CSTA: variants seen among roughly 807,000 people sequenced by gnomAD.
CSTA encodes the protein cystatin A.
A neutral mutation model predicts 9.2 loss-of-function variants in CSTA; 9 were observed. The observed-to-expected ratio is 0.97, with a 90% CI of 0.59 to 1.70. The LOEUF (loss-of-function observed/expected upper bound fraction) is 1.70, where lower values mean the gene tolerates loss of function less well. CSTA is among the 40% of genes most tolerant of loss of function. The pLI is 0.00. For missense variants in CSTA, 118 were observed against 113.1 expected (o/e 1.04, Z -0.20); for synonymous variants, 36 against 40.6 (o/e 0.89, Z 0.43).
intron 1 of CSTA, among the ~76,000 whole-genome samples, chr3:122,332,274 C>A (rs2075209433): frequency 6.6e-6 from 1 of 152,170 alleles, no homozygotes; most frequent in African/African-American, 2.4e-5. Flanking sequence ...AGTCCTTCCT[C>A]TCTTAGCCAG....
chr3:122,326,134 T>A lies in CSTA; in HGVS notation c.66+776T>A, dbSNP rs182043186. 3.6e-3 allele frequency among the ~76,000 whole-genome samples: 550 copies of A among 151,928 alleles called. 2 individuals carry two copies. Among genetic ancestry groups the A allele is most frequent in the African/African-American group, 0.013 (534 of 41,480 alleles). Reference sequence around the variant, plus strand: ...TTTGAGTTCAAGCGATCCTCCCCACTCAGCCTCCTGAGTAGCTGGGATTAC... The same window carrying A: ...TTTGAGTTCAAGCGATCCTCCCCACACAGCCTCCTGAGTAGCTGGGATTAC... On this transcript the variant is annotated intron_variant, in intron 1 of 2. Transcript: ENST00000264474.
chr3:122,333,555 GAAAGA>G (rs1387456692), intron 1 of CSTA, among the ~76,000 whole-genome samples: 1 of 92,666 alleles, frequency 1.1e-5, no homozygotes, highest in Non-Finnish European at 2.1e-5. Context: ...AAGAAAGAAA[GAAAGA>G]AAGAAAGAAA....
chr3:122,341,897 C>T lies in CSTA; in HGVS notation c.*330C>T, dbSNP rs1373981180. ...CTATCAATTCACCAGCCTCCTTGTT[C>T]CCTGTGGCTGCTGATAACCCAACAT... On this transcript the variant is annotated 3_prime_UTR_variant, in exon 3 of 3. Coordinates refer to ENST00000264474, the MANE Select transcript of CSTA (RefSeq NM_005213.4). 6.0e-6 allele frequency: 2 copies of T among 331,632 alleles called. No individual in the cohort carries two copies. Among genetic ancestry groups the T allele is most frequent in the Non-Finnish European group, 1.1e-5 (2 of 174,466 alleles). The allele number at this position is 331,632 out of a possible 1,614,324, so 20.5% of individuals were successfully genotyped here. A position where few individuals can be genotyped will look rare whatever the true frequency, so the allele number is the denominator to read the frequency against.
At chr3:122,332,568 A>C (rs1399331202) in intron 1 of CSTA, among the ~76,000 whole-genome samples, 1 of 152,140 alleles carries the variant, frequency 6.6e-6, no homozygotes, top group Non-Finnish European at 1.5e-5. Context: ...TGGGTGCCTC[A>C]TGGCTCAAAT....
intron 1 of CSTA, among the ~76,000 whole-genome samples, chr3:122,325,858 G>A (rs2075168130): frequency 2.0e-5 from 3 of 152,178 alleles, no homozygotes; most frequent in South Asian, 4.1e-4. Context: ...AATAGATAGT[G>A]TTTTAGTCTT....
intron 2 of CSTA, chr3:122,338,260 C>T (rs892013951): frequency 1.3e-5 from 2 of 152,038 alleles, no homozygotes; most frequent in African/African-American, 2.4e-5. Context: ...ATGCATTGAT[C>T]GAGTTCTAAT....
At chr3:122,334,958 G>T (rs1338294573) in intron 1 of CSTA, among the ~76,000 whole-genome samples, 1 of 152,182 alleles carries the variant, frequency 6.6e-6, no homozygotes, top group East Asian at 1.9e-4. Context: ...TGATCTGTAT[G>T]AAGGACAGTG....
At chr3:122,332,225 T>A (rs1019120479) in intron 1 of CSTA, among the ~76,000 whole-genome samples, 2 of 152,162 alleles carry the variant, frequency 1.3e-5, no homozygotes. Flanking sequence ...TCTTGCTGGA[T>A]CTCATTCCTC....
chr3:122,339,730 C>A (rs2075254991), intron 2 of CSTA, among the ~76,000 whole-genome samples: 1 of 152,128 alleles, frequency 6.6e-6, no homozygotes, highest in African/African-American at 2.4e-5. Context: ...TGATGCACAC[C>A]AGTAGTCCTA....
In CSTA at chr3:122,325,281, C is replaced by A. The variant is rs553834864; in HGVS notation, c.-12C>A. ...TCCAGCATCCTGTCCAGCAAAGAAG[C>A]AATCAGCCAAAATGATACCTGGAGG... On this transcript the variant is annotated 5_prime_UTR_variant, in exon 1 of 3. Transcript: ENST00000264474. 2.5e-6 allele frequency: 4 copies of A among 1,613,294 alleles called. No homozygotes were observed. In the African/African-American group the frequency reaches 5.3e-5, roughly 22 times the overall value.
At chr3:122,326,891 G>A (rs891641988) in intron 1 of CSTA, among the ~76,000 whole-genome samples, 2 of 152,150 alleles carry the variant, frequency 1.3e-5, no homozygotes, top group Non-Finnish European at 2.9e-5. Context: ...TTGCTTGCTG[G>A]CAGGACCAGA....
chr3:122,327,575 T>C (rs1447810485), intron 1 of CSTA, among the ~76,000 whole-genome samples: 2 of 150,794 alleles, frequency 1.3e-5, no homozygotes, highest in African/African-American at 4.9e-5. Flanking sequence ...AAATAAAATT[T>C]GTCTATTTCA....
In CSTA at chr3:122,325,324, C is replaced by T. The variant is rs750925495; in HGVS notation, c.32C>T (p.Pro11Leu). 1 of 1,614,044 alleles carries T rather than the reference C, an allele frequency of 6.2e-7. No homozygotes were observed. The highest frequency in any genetic ancestry group is 8.5e-7 in the Non-Finnish European group (1 of 1,180,048). Residue 11 changes from proline to leucine, a missense_variant, in exon 1 of 3, where the codon CCC becomes CTC. Transcript: ENST00000264474. ...CCTGGAGGCTTATCTGAGGCCAAAC[C>T]CGCCACTCCAGAAATCCAGGAGATT... is the stretch of plus-strand genomic sequence containing the variant. MIPGGLSEAK[P>L]ATPEIQEIVD...
At chr3:122,326,035 A>T (rs1413984993) in intron 1 of CSTA, among the ~76,000 whole-genome samples, 1 of 152,092 alleles carries the variant, frequency 6.6e-6, no homozygotes, top group East Asian at 1.9e-4. Context: ...TTTCATTTTT[A>T]AGAGATGGGG....
At chr3:122,331,582 A>G (rs1224925039) in intron 1 of CSTA, among the ~76,000 whole-genome samples, 3 of 152,154 alleles carry the variant, frequency 2.0e-5, no homozygotes, top group African/African-American at 4.8e-5. Context: ...ACCACTTTCT[A>G]TGCAGCTACT....
chr3:122,340,842 C>T (rs568048208), intron 2 of CSTA, among the ~76,000 whole-genome samples: 7 of 152,088 alleles, frequency 4.6e-5, no homozygotes, highest in Non-Finnish European at 1.0e-4. Flanking sequence ...TTGCTCCATG[C>T]ATCTTTGAAA....
chr3:122,335,872 T>G (rs890924926), intron 1 of CSTA, among the ~76,000 whole-genome samples: 4 of 151,598 alleles, frequency 2.6e-5, no homozygotes, highest in Non-Finnish European at 4.4e-5. Context: ...CCTCAAGTGA[T>G]CCACCCGCCT....
chr3:122,341,368 G>A, intron 2 of CSTA, 71 bp from the exon 3 acceptor site: 3 of 1,547,606 alleles, frequency 1.9e-6, no homozygotes, highest in Middle Eastern at 1.9e-4. Context: ...GTAGACCTGT[G>A]GCTCTCTCAC....
intron 2 of CSTA, among the ~76,000 whole-genome samples, chr3:122,339,496 A>G (rs1416734857): frequency 6.6e-6 from 1 of 152,226 alleles, no homozygotes; most frequent in Non-Finnish European, 1.5e-5. Flanking sequence ...TTGAACCCAG[A>G]TAGACTGAGC....
Sources: gnomAD v4.1 joint callset for allele counts (sites outside exome capture counted in the v4.1 genomes callset) on GRCh38, gnomAD v4.1.1 for gene constraint, MANE v1.5 for transcripts, NCBI Gene and HGNC (gene_info 2026-07-23, HGNC 2026-07-21) for gene names.